PACS1: variants seen among roughly 807,000 people sequenced by gnomAD.
The protein encoded by PACS1 is phosphofurin acidic cluster sorting protein 1.
Under a neutral mutation model 115.0 loss-of-function variants are expected in PACS1, and 24 were observed. That is an observed-to-expected ratio of 0.21 (90% CI 0.15 to 0.29). The LOEUF (loss-of-function observed/expected upper bound fraction) is 0.29. Ranked by LOEUF, PACS1 falls within the 10% of genes least tolerant of loss-of-function variation. The pLI, the probability that PACS1 is intolerant of heterozygous loss-of-function variation, is 1.00. For missense variants in PACS1, 838 were observed against 1,251.2 expected, an observed-to-expected ratio of 0.67 and a Z score of 4.98; for synonymous variants, 453 against 504.5, an observed-to-expected ratio of 0.90 and a Z score of 1.37.
intron 1 of PACS1, among the ~76,000 whole-genome samples, chr11:66,182,318 A>G (rs1336877906): frequency 1.3e-5 from 2 of 152,212 alleles, no homozygotes; most frequent in Non-Finnish European, 2.9e-5. Context: ...TCTTATGGCT[A>G]TGGAGTAAAA....
At chr11:66,139,938 G>A (rs1259021284) in intron 1 of PACS1, among the ~76,000 whole-genome samples, 1 of 152,154 alleles carries the variant, frequency 6.6e-6, no homozygotes, top group Non-Finnish European at 1.5e-5. Context: ...GTTCTCCATA[G>A]TGGTTGTAAA....
rs528736779 is a variant in PACS1, at chr11:66,119,132, T to C, written c.356+48290T>C. On this transcript the variant is annotated intron_variant, in intron 1 of 23. Coordinates refer to ENST00000320580, the MANE Select transcript of PACS1 (RefSeq NM_018026.4). ...TCCCTGCTTGTCCTCTGCTCTCTTC[T>C]GACCGGTAGCGTTAATACTTCTTTG... Among the ~76,000 whole-genome samples, 3 of 152,356 alleles carry C rather than the reference T, an allele frequency of 2.0e-5. No homozygotes were observed. In the South Asian group the frequency reaches 6.2e-4, roughly 32 times the overall value.
At chr11:66,211,092 G>A in intron 3 of PACS1, 42 bp from the exon 4 acceptor site, 2 of 1,609,340 alleles carry the variant, frequency 1.2e-6, no homozygotes, top group Non-Finnish European at 8.5e-7. Flanking sequence ...CAAGGACCCA[G>A]CTGCCCATTA....
intron 1 of PACS1, among the ~76,000 whole-genome samples, chr11:66,177,572 TTC>T (rs1859896596): frequency 6.6e-6 from 1 of 152,162 alleles, no homozygotes; most frequent in South Asian, 2.1e-4. Context: ...TACTCTATCC[TTC>T]TATTAAAAGT....
chr11:66,142,374 A>C (rs2134595696), intron 1 of PACS1, among the ~76,000 whole-genome samples: 1 of 152,184 alleles, frequency 6.6e-6, no homozygotes, highest in East Asian at 1.9e-4. Flanking sequence ...GCTGGAGTGC[A>C]ATGCCGCAAT....
chr11:66,216,277 A>G lies in PACS1; in HGVS notation c.805+14A>G. 1 of 1,613,852 alleles carries G rather than the reference A, an allele frequency of 6.2e-7. No homozygotes were observed. The highest frequency in any genetic ancestry group is 8.5e-7 in the Non-Finnish European group (1 of 1,179,866). ...CCAAGCTTTCTGGTAAGAAGCATGC[A>G]GCATCTGGAGACCCTACGAAGAGGG... On this transcript the variant is annotated intron_variant, in intron 5 of 23. Transcript: ENST00000320580.
chr11:66,227,660 C>A, intron 11 of PACS1, 76 bp downstream of exon 11: 1 of 860,296 alleles, frequency 1.2e-6, no homozygotes, highest in Non-Finnish European at 1.9e-6. Flanking sequence ...CAGAAGGACC[C>A]TCAGGACCAC....
At position 66,070,420 on chromosome 11, in the gene PACS1, C is replaced by CCGA; in HGVS notation, c.-65_-64insACG. 3 of 1,034,174 alleles carry CCGA rather than the reference C, an allele frequency of 2.9e-6. No individual in the cohort carries two copies. Among genetic ancestry groups the CCGA allele is most frequent in the Non-Finnish European group, 3.7e-6 (3 of 817,608 alleles). The allele number at this position is 1,034,174 out of a possible 1,614,324, so 64.1% of individuals were successfully genotyped here. Reference sequence around the variant, plus strand: ...GGCTGCCGCGCCCCCGCCGCCGCCGCCGCGGGGGAAGCCTGGGAGCCAGAT... The same window carrying CCGA: ...GGCTGCCGCGCCCCCGCCGCCGCCGCCGACGCGGGGGAAGCCTGGGAGCCAGAT... On this transcript the variant is annotated 5_prime_UTR_variant, in exon 1 of 24. Coordinates refer to ENST00000320580, the MANE Select transcript of PACS1 (RefSeq NM_018026.4). The surrounding 1 kb of genome is among the most constrained non-coding windows in gnomAD (Gnocchi z 5.9).
At position 66,211,222 on chromosome 11, in the gene PACS1, A is replaced by G; in HGVS notation, c.623A>G (p.Tyr208Cys). The G allele has an allele frequency of 6.2e-7, 1 of 1,613,778 alleles. No individual in the cohort carries two copies. Among genetic ancestry groups the G allele is most frequent in the Non-Finnish European group, 8.5e-7 (1 of 1,179,700 alleles). ...KRYKNRTILGYKTLAVGLINM... is the reference protein window; with the variant it reads ...KRYKNRTILGCKTLAVGLINM... ...TACAAGAATCGGACCATCTTGGGCT[A>G]TAAGACCTTGGCCGTGGGACTCATC... Residue 208 changes from tyrosine (Y) to cysteine (C), a missense_variant, in exon 4 of 24, where the codon TAT (tyrosine) becomes TGT (cysteine). Coordinates refer to ENST00000320580, the MANE Select transcript of PACS1 (RefSeq NM_018026.4).
intron 1 of PACS1, among the ~76,000 whole-genome samples, chr11:66,153,283 A>G (rs1001465292): frequency 6.6e-5 from 10 of 152,206 alleles, no homozygotes; most frequent in African/African-American, 2.4e-4. Context: ...GGCATGTGCC[A>G]CTGTGCCTGC....
Position 66,235,631 on chromosome 11 carries a change from A to G in PACS1, c.2207+228A>G, listed in dbSNP as rs905678040. The G allele has an allele frequency of 3.3e-6, 2 of 604,432 alleles. No homozygotes were observed. The highest frequency in any genetic ancestry group is 2.9e-5 in the Admixed American group (1 of 35,004). The allele number at this position is 604,432 out of a possible 1,614,324, so 37.4% of individuals were successfully genotyped here. A position where few individuals can be genotyped will look rare whatever the true frequency, so the allele number is the denominator to read the frequency against. ...TCAGTTTCCTTTCCTGCCCTTCAGTATAAAGCAGCCCATCCTCATAGCTGG... is the reference window on the plus strand; with the variant it reads ...TCAGTTTCCTTTCCTGCCCTTCAGTGTAAAGCAGCCCATCCTCATAGCTGG... On this transcript the variant is annotated intron_variant, in intron 18 of 23. Coordinates refer to ENST00000320580, the MANE Select transcript of PACS1 (RefSeq NM_018026.4). This position sits in a 1 kb window ranked among gnomAD's most constrained non-coding sequence, Gnocchi z 5.6.
chr11:66,100,876 T>A (rs1362697923), intron 1 of PACS1: 1 of 456,216 alleles, frequency 2.2e-6, no homozygotes, highest in Admixed American at 2.3e-5. Flanking sequence ...TTCCTCACGG[T>A]ACGGTGGCTG....
At chr11:66,160,922 A>G (rs1859474007) in intron 1 of PACS1, among the ~76,000 whole-genome samples, 1 of 152,100 alleles carries the variant, frequency 6.6e-6, no homozygotes, top group African/African-American at 2.4e-5. Flanking sequence ...CATTGTGGTT[A>G]AGAACATGGA....
intron 1 of PACS1, among the ~76,000 whole-genome samples, chr11:66,144,664 C>T (rs951627993): frequency 6.6e-6 from 1 of 152,136 alleles, no homozygotes; most frequent in African/African-American, 2.4e-5. Context: ...AGATGGATCT[C>T]GCTCTGTGGC....
At chr11:66,107,959 C>T (rs905413882) in intron 1 of PACS1, among the ~76,000 whole-genome samples, 4 of 152,126 alleles carry the variant, frequency 2.6e-5, no homozygotes, top group African/African-American at 9.7e-5. Context: ...CCTGACCTTG[C>T]CTTGATGCCC....
chr11:66,188,047 G>A (rs765575251), intron 1 of PACS1, among the ~76,000 whole-genome samples: 6 of 151,446 alleles, frequency 4.0e-5, no homozygotes, highest in Non-Finnish European at 7.4e-5. Context: ...TTCGATTTGC[G>A]TTTCCCTGAT....
intron 11 of PACS1, 181 bp from the exon 12 acceptor site, chr11:66,230,367 C>A (rs1047073975): frequency 5.0e-6 from 3 of 604,226 alleles, no homozygotes; most frequent in African/African-American, 1.9e-5. Flanking sequence ...TACTCAGTCA[C>A]CCGTGAACAG....
At chr11:66,079,821 A>G (rs1351845337) in intron 1 of PACS1, among the ~76,000 whole-genome samples, 3 of 152,334 alleles carry the variant, frequency 2.0e-5, no homozygotes, top group African/African-American at 7.2e-5. Context: ...TAAACGATGC[A>G]GCCCCTTCCC....
At chr11:66,099,503 C>T (rs1857864604) in intron 1 of PACS1, among the ~76,000 whole-genome samples, 1 of 152,052 alleles carries the variant, frequency 6.6e-6, no homozygotes, top group African/African-American at 2.4e-5. Context: ...GGAGTACAGG[C>T]ATAAGCCACC....
Sources: allele counts gnomAD v4.1 joint callset (sites outside exome capture counted in the v4.1 genomes callset), GRCh38; gene constraint gnomAD v4.1.1; non-coding constraint Gnocchi (gnomAD v3.1); transcripts MANE v1.5; gene names NCBI Gene and HGNC (gene_info 2026-07-23, HGNC 2026-07-21).